Variants in HNF1B observed in about 807,000 individuals in gnomAD.
HNF1B encodes HNF1 homeobox B, also known as hepatocyte nuclear factor 1-beta.
Under a neutral mutation model 61.7 loss-of-function variants are expected in HNF1B, and 8 were observed. The observed-to-expected ratio is 0.13, with a 90% CI of 0.08 to 0.23. HNF1B has a LOEUF of 0.23. Ranked by LOEUF, HNF1B falls within the 10% of genes least tolerant of loss-of-function variation. The pLI is 1.00. For synonymous variants in HNF1B, 314 were observed against 287.7 expected, an observed-to-expected ratio of 1.09 and a Z score of -0.93; for missense variants, 562 against 714.5, an observed-to-expected ratio of 0.79 and a Z score of 2.43.
At chr17:37,694,856 A>G (rs1028015063) in intron 8 of HNF1B, among the ~76,000 whole-genome samples, 1 of 152,176 alleles carries the variant, frequency 6.6e-6, no homozygotes, top group Non-Finnish European at 1.5e-5. Flanking sequence ...CACAGTAGCT[A>G]CGGAAGCAAA....
rs1426173697 is a variant in HNF1B at position 37,731,684 on chromosome 17, C to A, written c.956G>T (p.Ser319Ile). 2 of 1,614,052 alleles carry A rather than the reference C, an allele frequency of 1.2e-6. No individual in the cohort carries two copies. Among genetic ancestry groups the A allele is most frequent in the Non-Finnish European group, 1.7e-6 (2 of 1,180,018 alleles). The part of the protein sequence containing the change: ...FRQKLAMDAY[S>I]SNQTHSLNPL... Reference sequence around the variant, plus strand: ...GTTCAGGCTGTGAGTCTGGTTGGAGCTATAGGCGTCCATGGCCAGCTTTTG... The same window carrying A: ...GTTCAGGCTGTGAGTCTGGTTGGAGATATAGGCGTCCATGGCCAGCTTTTG... Residue 319 changes from serine to isoleucine, a missense_variant, in exon 4 of 9, where the codon AGC becomes ATC. By Grantham distance (142) the Ser-to-Ile change is moderately radical. Transcript: ENST00000617811.
At chr17:37,698,044 G>T (rs202128864) in intron 8 of HNF1B, among the ~76,000 whole-genome samples, 1 of 83,676 alleles carries the variant, frequency 1.2e-5, no homozygotes, top group Non-Finnish European at 3.1e-5. Flanking sequence ...GGAGATCGGG[G>T]CAAAGGAAAG....
chr17:37,721,037 C>T (rs1023786707), intron 4 of HNF1B: 1 of 775,936 alleles, frequency 1.3e-6, no homozygotes, highest in Non-Finnish European at 1.6e-6. Context: ...TCTTGCTGAA[C>T]AAGAACTCAC....
intron 8 of HNF1B, among the ~76,000 whole-genome samples, chr17:37,690,777 G>A (rs12935974): frequency 0.015 from 2,335 of 152,290 alleles, 32 homozygotes; most frequent in Admixed American, 0.021. Context: ...TTTTAGGCAC[G>A]TTGAATTCAA....
intron 5 of HNF1B, among the ~76,000 whole-genome samples, chr17:37,707,173 T>C (rs2032780113): frequency 1.3e-5 from 2 of 151,552 alleles, no homozygotes; most frequent in African/African-American, 4.9e-5. Flanking sequence ...TGGAGTGCAG[T>C]GGCATGATCA....
In HNF1B at chr17:37,702,171, G is replaced by A. The variant is rs549100962; in HGVS notation, c.1340-994C>T. 2.6e-5 allele frequency among the ~76,000 whole-genome samples: 4 copies of A among 152,288 alleles called. No individual in the cohort carries two copies. The South Asian group carries it at 8.3e-4, about 32-fold the overall frequency. On this transcript the variant is annotated intron_variant, in intron 6 of 8. Transcript: ENST00000617811. ...TGGGAAGTTGGGGGAAGAATGGGAT[G>A]AAGAAGGAATCCAGAAAAAGGTCTG...
chr17:37,722,990 G>C (rs868741155), intron 4 of HNF1B, among the ~76,000 whole-genome samples: 7 of 151,986 alleles, frequency 4.6e-5, no homozygotes, highest in African/African-American at 1.7e-4. Context: ...AGGTTCCCAG[G>C]GCTAATTACT....
chr17:37,742,375 G>A (rs1267674924), intron 1 of HNF1B, among the ~76,000 whole-genome samples: 1 of 152,158 alleles, frequency 6.6e-6, no homozygotes, highest in Non-Finnish European at 1.5e-5. Flanking sequence ...CTTCCAGGAG[G>A]TTTACTAGAA....
chr17:37,715,466 T>C (rs117571163), intron 4 of HNF1B, among the ~76,000 whole-genome samples: 4,658 of 152,238 alleles, frequency 0.031, 103 homozygotes, highest in Non-Finnish European at 0.043. Flanking sequence ...ATAATTTGAG[T>C]GTAATGTCAA....
At chr17:37,698,558 G>A (rs1207230794) in intron 8 of HNF1B, among the ~76,000 whole-genome samples, 3 of 152,144 alleles carry the variant, frequency 2.0e-5, no homozygotes, top group South Asian at 2.1e-4. Flanking sequence ...GTCTACTGGG[G>A]AGTCCCCATG....
At chr17:37,718,156 G>GA (rs899847639) in intron 4 of HNF1B, among the ~76,000 whole-genome samples, 17 of 151,286 alleles carry the variant, frequency 1.1e-4, no homozygotes, top group South Asian at 2.1e-4. Context: ...ACCAAGAAAA[G>GA]AAAAAAAAAT....
intron 1 of HNF1B, among the ~76,000 whole-genome samples, chr17:37,744,080 G>C (rs1318124473): frequency 6.6e-6 from 1 of 152,248 alleles, no homozygotes; most frequent in Non-Finnish European, 1.5e-5. Context: ...AGGTCATCAT[G>C]CAGGTCAATG....
intron 6 of HNF1B, among the ~76,000 whole-genome samples, chr17:37,702,797 G>A (rs2032615290): frequency 6.6e-6 from 1 of 152,200 alleles, no homozygotes; most frequent in Non-Finnish European, 1.5e-5. Flanking sequence ...AACCTTCAGA[G>A]GTGGGGCCCA....
At chr17:37,741,047 C>G (rs781162299) in intron 1 of HNF1B, among the ~76,000 whole-genome samples, 1 of 151,806 alleles carries the variant, frequency 6.6e-6, no homozygotes, top group Non-Finnish European at 1.5e-5. Flanking sequence ...AAACCAGCAC[C>G]CCATTACTGT....
intron 8 of HNF1B, among the ~76,000 whole-genome samples, chr17:37,689,147 A>T (rs3110639): frequency 1.0e-5 from 1 of 97,018 alleles, no homozygotes; most frequent in Non-Finnish European, 2.0e-5. Flanking sequence ...TTGGTCTCAC[A>T]AAAAAAAAAA....
Position 37,739,633 on chromosome 17 carries a change from G to A in HNF1B, c.351C>T (p.Asp117=). 1.9e-6 allele frequency: 3 copies of A among 1,610,474 alleles called. No homozygotes were observed. The highest frequency in any genetic ancestry group is 1.3e-5 in the African/African-American group (1 of 74,954). ...RAEVDRMLSE[D]PWRAAKMIKG... The stretch of plus-strand genomic sequence containing the variant: ...TGATCATTTTAGCAGCCCTCCAAGG[G>A]TCCTCACTAGACAGACAAGCAGATG... The change falls in exon 2 of 9, where the codon GAC becomes GAT. Residue 117 remains aspartate, a synonymous_variant. Coordinates refer to ENST00000617811, the MANE Select transcript of HNF1B (RefSeq NM_000458.4).
chr17:37,736,310 G>A (rs2005705), intron 2 of HNF1B, among the ~76,000 whole-genome samples: 69,764 of 152,172 alleles, frequency 0.46, 16,628 homozygotes, highest in Middle Eastern at 0.56. Flanking sequence ...TTTTTCATTT[G>A]ATGTGAACAG....
chr17:37,712,622 G>C (rs1266166428), intron 4 of HNF1B, among the ~76,000 whole-genome samples: 2 of 152,198 alleles, frequency 1.3e-5, no homozygotes, highest in East Asian at 3.8e-4. Context: ...TTTCTATCAA[G>C]GAGGGGCAGT....
intron 6 of HNF1B, among the ~76,000 whole-genome samples, chr17:37,701,720 G>A (rs905919216): frequency 2.6e-5 from 4 of 152,286 alleles, no homozygotes; most frequent in African/African-American, 7.2e-5. Context: ...GACCCCCAGA[G>A]AAATCAGGTG....
Sources: gnomAD v4.1 joint callset for allele counts (sites outside exome capture counted in the v4.1 genomes callset) on GRCh38, gnomAD v4.1.1 for gene constraint, MANE v1.5 for transcripts, NCBI Gene and HGNC (gene_info 2026-07-23, HGNC 2026-07-21) for gene names.